Variants in WDR3 observed in about 807,000 individuals in gnomAD.
The protein encoded by WDR3 is WD repeat-containing protein 3.
In WDR3, 81 loss-of-function variants were observed where a neutral mutation model predicts 123.7. The observed-to-expected ratio is 0.65, with a 90% CI of 0.55 to 0.79. WDR3 has a LOEUF of 0.79. WDR3 is among the 30% of genes least tolerant of loss of function. The pLI, the probability that WDR3 is intolerant of heterozygous loss-of-function variation, is 0.00. For synonymous variants in WDR3, 390 were observed against 388.8 expected, an observed-to-expected ratio of 1.00 and a Z score of -0.04; for missense variants, 1,027 against 1,123.2, an observed-to-expected ratio of 0.91 and a Z score of 1.22.
At chr1:117,956,693 C>T (rs1239483522) in intron 24 of WDR3, among the ~76,000 whole-genome samples, 1 of 152,054 alleles carries the variant, frequency 6.6e-6, no homozygotes, top group South Asian at 2.1e-4. Flanking sequence ...AATAGTGTAG[C>T]ATTGGTGTCA....
chr1:117,953,866 T>A (rs1188004680), intron 21 of WDR3, 141 bp from the exon 22 acceptor site: 4 of 706,854 alleles, frequency 5.7e-6, no homozygotes, highest in Non-Finnish European at 9.4e-6. Flanking sequence ...TTAAATGCTT[T>A]TTGGCACTCT....
Position 117,941,977 on chromosome 1 carries a change from T to C in WDR3, c.989+130T>C, listed in dbSNP as rs1036441940. On this transcript the variant is annotated intron_variant, in intron 9 of 26. Coordinates refer to ENST00000349139, the MANE Select transcript of WDR3 (RefSeq NM_006784.3). Reference sequence around the variant, plus strand: ...ATTAAAAGTTAAAGAACTTGTGAGGTATCGATAACCCAAATTTGTCAAGTC... The same window carrying C: ...ATTAAAAGTTAAAGAACTTGTGAGGCATCGATAACCCAAATTTGTCAAGTC... The C allele has an allele frequency of 3.6e-6, 5 of 1,384,840 alleles. No individual in the cohort carries two copies. In the Admixed American group the frequency reaches 1.4e-4, roughly 39 times the overall value. 85.8% of individuals were successfully genotyped at this position (1,384,840 alleles called of 1,614,324 possible).
rs1446814230 is a variant in WDR3 at position 117,952,326 on chromosome 1, C to G, written c.1934C>G (p.Ser645Cys). The G allele has an allele frequency of 6.2e-7, 1 of 1,613,036 alleles. No individual in the cohort carries two copies. The highest frequency in any genetic ancestry group is 1.6e-4 in the Middle Eastern group (1 of 6,076). Reference protein sequence around the residue: ...SVMYLQFVPKSHLFFTAGKDH... With the variant: ...SVMYLQFVPKCHLFFTAGKDH... ...ATGTACCTACAGTTTGTACCCAAGT[C>G]TCACCTCTTCTTCACTGCCGGAAAA... Residue 645 changes from serine to cysteine, a missense_variant, in exon 18 of 27, where the codon TCT becomes TGT. Coordinates refer to ENST00000349139, the MANE Select transcript of WDR3 (RefSeq NM_006784.3).
At position 117,946,068 on chromosome 1, in the gene WDR3, A is replaced by G. The variant is rs771207381; in HGVS notation, c.1329-18A>G. On this transcript the variant is annotated intron_variant, in intron 11 of 26. Coordinates refer to ENST00000349139, the MANE Select transcript of WDR3 (RefSeq NM_006784.3). ...CAGATTCTCTTAACATGAGTTCTTTATTTTTTCTTTCTCATAGGTCTACAC... is the reference window on the plus strand; with the variant it reads ...CAGATTCTCTTAACATGAGTTCTTTGTTTTTTCTTTCTCATAGGTCTACAC... 24 of 1,583,694 alleles carry G rather than the reference A, an allele frequency of 1.5e-5. No homozygotes were observed. The highest frequency in any genetic ancestry group is 2.1e-5 in the Non-Finnish European group (24 of 1,163,938).
rs371570664 is a variant in WDR3, at chr1:117,963,900, CTT to C, written c.*4456_*4457del. Reference sequence around the variant, plus strand: ...GGATTTTCTTTTCCCTGGGGAAAGTCTTTTGGTCGTTTATCATAATTGCTGCT... The same window carrying C: ...GGATTTTCTTTTCCCTGGGGAAAGTCTTGGTCGTTTATCATAATTGCTGCT... On this transcript the variant is annotated 3_prime_UTR_variant, in exon 27 of 27. Transcript: ENST00000349139. 6.1e-5 allele frequency: 98 copies of C among 1,613,882 alleles called. No individual in the cohort carries two copies. The African/African-American group carries it at 1.1e-3, about 19-fold the overall frequency.
At chr1:117,939,651 T>A in intron 6 of WDR3, 79 bp downstream of exon 6, 2 of 1,369,508 alleles carry the variant, frequency 1.5e-6, no homozygotes, top group Non-Finnish European at 2.1e-6. Flanking sequence ...ATGTAATTAT[T>A]CAGTACTTCA....
At chr1:117,931,394 AT>A (rs1173125020) in intron 1 of WDR3, among the ~76,000 whole-genome samples, 8 of 152,184 alleles carry the variant, frequency 5.3e-5, no homozygotes, top group South Asian at 2.1e-4. Context: ...CTATAATAAT[AT>A]TTTTTTATTA....
chr1:117,935,653 A>AGGT (rs1650918679), intron 3 of WDR3, among the ~76,000 whole-genome samples: 2 of 152,014 alleles, frequency 1.3e-5, no homozygotes, highest in Non-Finnish European at 2.9e-5. Flanking sequence ...GCTATATACC[A>AGGT]AAATGAAACA....
At position 117,961,198 on chromosome 1, in the gene WDR3, A is replaced by G. The variant is rs78129391; in HGVS notation, c.*1751A>G. The G allele has an allele frequency of 0.05, 7,592 of 152,242 alleles. 582 individuals carry two copies. The highest frequency in any genetic ancestry group is 0.16 in the African/African-American group (6,704 of 41,506). 9.4% of individuals were successfully genotyped at this position (152,242 alleles called of 1,614,324 possible). A position where few individuals can be genotyped will look rare whatever the true frequency, so the allele number is the denominator to read the frequency against. Reference sequence around the variant, plus strand: ...CTCAGGAGGCTGAGACAGGAGAATCACTTGAACCCGGCAGGCGGAGATTGC... The same window carrying G: ...CTCAGGAGGCTGAGACAGGAGAATCGCTTGAACCCGGCAGGCGGAGATTGC... On this transcript the variant is annotated 3_prime_UTR_variant, in exon 27 of 27. Transcript: ENST00000349139.
chr1:117,956,616 A>G (rs938788239), intron 24 of WDR3, among the ~76,000 whole-genome samples: 1 of 152,224 alleles, frequency 6.6e-6, no homozygotes, highest in Non-Finnish European at 1.5e-5. Context: ...TGAAATAATA[A>G]TACTTGAGCT....
At chr1:117,956,938 TTTAACTC>T in intron 24 of WDR3, 123 bp from the exon 25 acceptor site, 1 of 724,480 alleles carries the variant, frequency 1.4e-6, no homozygotes, top group South Asian at 3.0e-5. Flanking sequence ...CAGATGAATA[TTTAACTC>T]TAGGCAAGAT....
Position 117,953,497 on chromosome 1 carries a change from G to C in WDR3, c.2224G>C (p.Asp742His), listed in dbSNP as rs1221375335. ...GCAGGTTCCAGGAGAGACTCAAGGT[G>C]ACAGTTACTTTACTGGAAAGAAAAC... ...QPAVPGETQG[D>H]SYFTGKKTIE... Residue 742 changes from aspartate to histidine, a missense_variant, in exon 21 of 27, where the codon GAC becomes CAC. Transcript: ENST00000349139. The C allele has an allele frequency of 6.2e-7, 1 of 1,612,874 alleles. No individual in the cohort carries two copies. The highest frequency in any genetic ancestry group is 2.2e-5 in the East Asian group (1 of 44,824).
At chr1:117,948,744 A>G (rs1024004937) in intron 13 of WDR3, among the ~76,000 whole-genome samples, 6 of 152,064 alleles carry the variant, frequency 3.9e-5, no homozygotes, top group South Asian at 2.1e-4. Flanking sequence ...TTTTTTGCCA[A>G]TGTTTTGTAA....
rs374841023 is a variant in WDR3 at position 117,934,645 on chromosome 1, A to G, written c.344A>G (p.Tyr115Cys). The change falls in exon 3 of 27, where the codon TAT becomes TGT. Residue 115 changes from tyrosine (Y) to cysteine (C), a missense_variant. Physicochemically the swap from Tyr to Cys is radical, Grantham distance 194. Transcript: ENST00000349139. The part of the protein sequence containing the change: ...GHKAAITTLK[Y>C]DQLGGRLASG... ...AAAGCAGCTATCACTACCTTGAAGT[A>G]TGATCAGCTAGGAGGCAGACTGGCA... 1.2e-6 allele frequency: 2 copies of G among 1,613,766 alleles called. No individual in the cohort carries two copies. The highest frequency in any genetic ancestry group is 2.2e-5 in the East Asian group (1 of 44,898).
rs1651538627 is a variant in WDR3, at chr1:117,949,787, A to G, written c.1561A>G (p.Lys521Glu). Residue 521 changes from lysine (K) to glutamate (E), a missense_variant, in exon 14 of 27, where the codon AAA becomes GAA. Physicochemically the swap from Lys to Glu is moderately conservative, Grantham distance 56 (BLOSUM62 1). Transcript: ENST00000349139. ...GACAGGTGGTGCAGATAAATCTGTC[A>G]AATTCTGGGATTTTGAGTTAGTGAA... ...FVTGGADKSVKFWDFELVKDE... is the reference protein window; with the variant it reads ...FVTGGADKSVEFWDFELVKDE... The G allele has an allele frequency of 6.2e-7, 1 of 1,613,946 alleles. No individual in the cohort carries two copies. The highest frequency in any genetic ancestry group is 2.2e-5 in the East Asian group (1 of 44,866).
rs952309111 is a variant in WDR3 at position 117,963,063 on chromosome 1, T to G, written c.*3616T>G. 1.3e-5 allele frequency: 2 copies of G among 152,208 alleles called. No individual in the cohort carries two copies. Among genetic ancestry groups the G allele is most frequent in the African/African-American group, 4.8e-5 (2 of 41,442 alleles). The allele number at this position is 152,208 out of a possible 1,614,324, so 9.4% of individuals were successfully genotyped here. ...ACCATATATTCAAGTCCTTTCTCTT[T>G]ATTTCTGAGGTTTTTGGGATCCAAG... is the stretch of plus-strand genomic sequence containing the variant. On this transcript the variant is annotated 3_prime_UTR_variant, in exon 27 of 27. Transcript: ENST00000349139.
At position 117,936,773 on chromosome 1, in the gene WDR3, CAG is replaced by C. The variant is rs1557817366; in HGVS notation, c.388_389del (p.Asp130TyrfsTer9). 6.2e-7 allele frequency: 1 copy of C among 1,608,650 alleles called. No homozygotes were observed. On this transcript the variant is annotated frameshift_variant, in exon 4 of 27. Transcript: ENST00000349139. LOFTEE classifies it high-confidence loss of function. The stretch of plus-strand genomic sequence containing the variant: ...TGTATTATTTGATCCCTTTAGGACA[CAG>C]ATATTATTGTATGGGATGTGATCAA...
In WDR3 at chr1:117,963,653, C is replaced by T. The variant is rs977490998; in HGVS notation, c.*4206C>T. ...TGCTGGGATTACAGGTGTGAGCCAC[C>T]GGGCCCGGCCTAAACAAATATTTTC... On this transcript the variant is annotated 3_prime_UTR_variant, in exon 27 of 27. Transcript: ENST00000349139. The T allele has an allele frequency of 2.6e-5, 18 of 688,874 alleles. No homozygotes were observed. The highest frequency in any genetic ancestry group is 7.5e-5 in the South Asian group (3 of 40,028). The allele number at this position is 688,874 out of a possible 1,614,324, so 42.7% of individuals were successfully genotyped here.
intron 2 of WDR3, 100 bp downstream of exon 2, chr1:117,933,590 T>TTG (rs3830944): frequency 0.021 from 32,279 of 1,502,896 alleles, 1,488 homozygotes; most frequent in African/African-American, 0.16. Context: ...ATGAGTTTTT[T>TTG]TGTGTCTGTG....
Sources: gnomAD v4.1 joint callset for allele counts (sites outside exome capture counted in the v4.1 genomes callset) on GRCh38, gnomAD v4.1.1 for gene constraint, MANE v1.5 for transcripts, NCBI Gene and HGNC (gene_info 2026-07-23, HGNC 2026-07-21) for gene names.